The following CCDC73 variants were observed in gnomAD, a reference collection of about 807,000 sequenced individuals.
The protein encoded by CCDC73 is coiled-coil domain-containing protein 73.
In CCDC73, 95 loss-of-function variants were observed where a neutral mutation model predicts 116.5. The ratio of observed to expected loss-of-function variants is 0.82; its 90% CI spans 0.69 to 0.97. CCDC73 has a LOEUF of 0.97. Among genes scored for constraint, CCDC73 ranks in the 50% least tolerant of loss-of-function variants. CCDC73 has a pLI of 0.00. For missense variants in CCDC73, 1,066 were observed against 1,206.8 expected, an observed-to-expected ratio of 0.88 and a Z score of 1.73; for synonymous variants, 398 against 401.3, an observed-to-expected ratio of 0.99 and a Z score of 0.10.
At chr11:32,685,701 G>A (rs1375641285) in intron 6 of CCDC73, among the ~76,000 whole-genome samples, 7 of 149,500 alleles carry the variant, frequency 4.7e-5, no homozygotes, top group Non-Finnish European at 8.9e-5. Flanking sequence ...GGACGAATGT[G>A]ACAAAGCCTG....
At chr11:32,766,959 G>A (rs1367835687) in intron 1 of CCDC73, among the ~76,000 whole-genome samples, 1 of 152,104 alleles carries the variant, frequency 6.6e-6, no homozygotes, top group Non-Finnish European at 1.5e-5. Flanking sequence ...TCACAGAATT[G>A]GAAAAAACTA....
intron 9 of CCDC73, among the ~76,000 whole-genome samples, chr11:32,664,863 G>C (rs1855965440): frequency 6.6e-6 from 1 of 152,066 alleles, no homozygotes; most frequent in South Asian, 2.1e-4. Flanking sequence ...TTGTGTCTTT[G>C]TTCTCGTTGG....
intron 2 of CCDC73, among the ~76,000 whole-genome samples, chr11:32,758,056 A>C (rs944829171): frequency 1.3e-5 from 2 of 152,230 alleles, no homozygotes; most frequent in Non-Finnish European, 2.9e-5. Context: ...TTGAGGGGGA[A>C]ATCTAGGAAT....
intron 2 of CCDC73, among the ~76,000 whole-genome samples, chr11:32,736,404 G>GA (rs1165091780): frequency 6.6e-6 from 1 of 152,160 alleles, no homozygotes; most frequent in African/African-American, 2.4e-5. Flanking sequence ...AAAGACACAT[G>GA]AAAAAATGCT....
intron 1 of CCDC73, among the ~76,000 whole-genome samples, chr11:32,770,896 TC>T (rs1380481644): frequency 6.6e-6 from 1 of 152,142 alleles, no homozygotes; most frequent in Non-Finnish European, 1.5e-5. Context: ...TCGTTTAACA[TC>T]CAATCAACAA....
chr11:32,745,650 T>C (rs1850229306), intron 2 of CCDC73, among the ~76,000 whole-genome samples: 1 of 152,170 alleles, frequency 6.6e-6, no homozygotes, highest in Non-Finnish European at 1.5e-5. Flanking sequence ...TTTACCATTA[T>C]GTAATGGCCT....
chr11:32,718,778 C>G (rs1231798984), intron 2 of CCDC73, among the ~76,000 whole-genome samples: 1 of 152,186 alleles, frequency 6.6e-6, no homozygotes, highest in Non-Finnish European at 1.5e-5. Context: ...GCAGACCTAT[C>G]TTCCTTATCT....
chr11:32,658,180 T>C (rs1261168984), intron 9 of CCDC73, among the ~76,000 whole-genome samples: 3 of 152,182 alleles, frequency 2.0e-5, no homozygotes. Flanking sequence ...TACTTTTATC[T>C]GTGGGGTGCT....
the CCDC73 span, among the ~76,000 whole-genome samples, chr11:32,807,933 T>A: frequency 6.6e-6 from 1 of 152,150 alleles, no homozygotes; most frequent in Non-Finnish European, 1.5e-5. Flanking sequence ...AAAAGCATGT[T>A]TAGAGAAAAG....
At chr11:32,666,957 G>A (rs879447846) in intron 9 of CCDC73, among the ~76,000 whole-genome samples, 3 of 152,214 alleles carry the variant, frequency 2.0e-5, no homozygotes, top group African/African-American at 4.8e-5. Context: ...ATCACCAGCA[G>A]AGGCTGCAGA....
At chr11:32,706,245 G>GAAA (rs1849854589) in intron 3 of CCDC73, among the ~76,000 whole-genome samples, 1 of 152,182 alleles carries the variant, frequency 6.6e-6, no homozygotes, top group South Asian at 2.1e-4. Flanking sequence ...TAGGTTCCTT[G>GAAA]AGGAGTAGAT....
chr11:32,685,042 C>T (rs997713263), intron 6 of CCDC73, among the ~76,000 whole-genome samples: 4 of 152,156 alleles, frequency 2.6e-5, no homozygotes, highest in African/African-American at 9.6e-5. Flanking sequence ...TATGAGTGTT[C>T]ATCTTCTTAA....
chr11:32,822,298 T>C, the CCDC73 span, among the ~76,000 whole-genome samples: 1 of 152,170 alleles, frequency 6.6e-6, no homozygotes, highest in Non-Finnish European at 1.5e-5. Context: ...AGAATAACAT[T>C]GATGTAGGTA....
intron 3 of CCDC73, among the ~76,000 whole-genome samples, chr11:32,717,291 T>C (rs1013161973): frequency 6.6e-5 from 10 of 152,252 alleles, no homozygotes; most frequent in South Asian, 2.1e-4. Context: ...CTATCATAAA[T>C]GCTTCAATAC....
rs187120186 is a variant in CCDC73, at chr11:32,735,728, C to G, written c.136-17581G>C. Among the ~76,000 whole-genome samples, 1,086 of 152,276 alleles carry G rather than the reference C, an allele frequency of 7.1e-3. 17 individuals are homozygous for G. Among genetic ancestry groups the G allele is most frequent in the African/African-American group, 0.025 (1,048 of 41,562 alleles). On this transcript the variant is annotated intron_variant, in intron 2 of 17. Transcript: ENST00000335185. ...GCAATCCTAAGCCAAAAGAACAAAG[C>G]TGGAGGCATCACGCTACCTGACTTC...
At chr11:32,807,578 T>C in the CCDC73 span, among the ~76,000 whole-genome samples, 1 of 139,010 alleles carries the variant, frequency 7.2e-6, no homozygotes, top group Non-Finnish European at 1.5e-5. Flanking sequence ...TATGACATTA[T>C]GGGATTTTTT....
At chr11:32,791,981 C>G (rs974908347) in intron 1 of CCDC73, among the ~76,000 whole-genome samples, 4 of 114,468 alleles carry the variant, frequency 3.5e-5, no homozygotes, top group African/African-American at 1.2e-4. Flanking sequence ...AAAAACCACA[C>G]ACACACACAT....
chr11:32,670,165 A>G (rs1468063828), intron 9 of CCDC73, among the ~76,000 whole-genome samples: 2 of 152,198 alleles, frequency 1.3e-5, no homozygotes, highest in South Asian at 2.1e-4. Context: ...TGATTTTCCT[A>G]TATTTTTTCC....
At chr11:32,820,891 C>T in the CCDC73 span, among the ~76,000 whole-genome samples, 1 of 152,034 alleles carries the variant, frequency 6.6e-6, no homozygotes, top group African/African-American at 2.4e-5. Flanking sequence ...TGTGAATTGT[C>T]TATGTGTTAT....
Sources: gnomAD v4.1 joint callset for allele counts (sites outside exome capture counted in the v4.1 genomes callset) on GRCh38, gnomAD v4.1.1 for gene constraint, MANE v1.5 for transcripts, NCBI Gene and HGNC (gene_info 2026-07-23, HGNC 2026-07-21) for gene names.